Variants in LTBP1 observed in about 807,000 individuals in gnomAD.
LTBP1 encodes latent-transforming growth factor beta-binding protein 1.
Under a neutral mutation model 207.6 loss-of-function variants are expected in LTBP1, and 129 were observed. The observed-to-expected ratio is 0.62, with a 90% CI of 0.54 to 0.72. LTBP1 has a LOEUF of 0.72. Among genes scored for constraint, LTBP1 ranks in the 30% least tolerant of loss-of-function variants. The pLI is 0.00. For synonymous variants in LTBP1, 963 were observed against 833.7 expected, an observed-to-expected ratio of 1.16 and a Z score of -2.67; for missense variants, 2,281 against 2,217.2, an observed-to-expected ratio of 1.03 and a Z score of -0.58.
In LTBP1 at chr2:32,948,866, T is replaced by G. The variant is rs1428886577; in HGVS notation, c.495-9T>G. 6.2e-7 allele frequency: 1 copy of G among 1,613,908 alleles called. No homozygotes were observed. Among genetic ancestry groups the G allele is most frequent in the African/African-American group, 1.3e-5 (1 of 74,902 alleles). ...TGCTGCTGGACTCAGCGATCTTGCT[T>G]TGTTTCAGGGTCAATGTCTGTGGAG... On this transcript the variant is annotated splice_polypyrimidine_tract_variant and intron_variant, in intron 1 of 33. Coordinates refer to ENST00000404816, the MANE Select transcript of LTBP1 (RefSeq NM_206943.4).
Position 33,375,006 on chromosome 2 carries a change from C to G in LTBP1, c.4711+9503C>G, listed in dbSNP as rs376079559. ...TTATTTAGAAAGCTTTCTCTCACCC[C>G]TCCCAAAGAAAGGTTGAAAATACTT... is the stretch of plus-strand genomic sequence containing the variant. On this transcript the variant is annotated intron_variant, in intron 31 of 33. Coordinates refer to ENST00000404816, the MANE Select transcript of LTBP1 (RefSeq NM_206943.4). 2.3e-3 allele frequency among the ~76,000 whole-genome samples: 352 copies of G among 152,274 alleles called. 5 individuals carry two copies. Among genetic ancestry groups the G allele is most frequent in the Middle Eastern group, 0.014 (4 of 292 alleles).
chr2:33,164,968 TG>T (rs1267435600), intron 5 of LTBP1, among the ~76,000 whole-genome samples: 1 of 152,166 alleles, frequency 6.6e-6, no homozygotes, highest in Non-Finnish European at 1.5e-5. Context: ...AGAGTGGTGG[TG>T]GGCCTCAAAA....
intron 5 of LTBP1, among the ~76,000 whole-genome samples, chr2:33,164,640 A>G (rs1461295759): frequency 6.6e-6 from 1 of 152,174 alleles, no homozygotes; most frequent in Non-Finnish European, 1.5e-5. Context: ...TGACCCAAAA[A>G]GCTCTACTGG....
chr2:33,241,881 G>A (rs948388640), intron 9 of LTBP1, among the ~76,000 whole-genome samples: 1 of 152,170 alleles, frequency 6.6e-6, no homozygotes, highest in African/African-American at 2.4e-5. Flanking sequence ...AATATTTTCA[G>A]TTACATGCTG....
At chr2:33,391,402 G>A (rs955654848) in intron 32 of LTBP1, among the ~76,000 whole-genome samples, 1 of 152,168 alleles carries the variant, frequency 6.6e-6, no homozygotes, top group African/African-American at 2.4e-5. Flanking sequence ...AGGGTTTGAT[G>A]CTTCTCTGTA....
intron 5 of LTBP1, among the ~76,000 whole-genome samples, chr2:33,146,630 C>T (rs1004657037): frequency 5.9e-5 from 9 of 152,124 alleles, no homozygotes; most frequent in South Asian, 2.1e-4. Flanking sequence ...CTCACAGTTC[C>T]GCAAGCTGTA....
intron 3 of LTBP1, among the ~76,000 whole-genome samples, chr2:33,058,421 C>T (rs954707928): frequency 1.3e-5 from 2 of 152,202 alleles, no homozygotes; most frequent in Admixed American, 6.5e-5. Context: ...TTTGCCTAAT[C>T]GAAGCCAGGA....
At chr2:33,371,731 A>G (rs1425187500) in intron 31 of LTBP1, among the ~76,000 whole-genome samples, 1 of 152,224 alleles carries the variant, frequency 6.6e-6, no homozygotes, top group African/African-American at 2.4e-5. Flanking sequence ...ATCTACTGAG[A>G]TATTTAACTT....
chr2:33,166,943 T>G (rs1558739360), intron 5 of LTBP1, among the ~76,000 whole-genome samples: 1 of 152,256 alleles, frequency 6.6e-6, no homozygotes, highest in African/African-American at 2.4e-5. Context: ...CTTTCCAAAT[T>G]AACCAACACC....
At chr2:33,386,758 G>A (rs1029852717) in intron 31 of LTBP1, among the ~76,000 whole-genome samples, 22 of 151,946 alleles carry the variant, frequency 1.4e-4, no homozygotes, top group Non-Finnish European at 2.9e-4. Flanking sequence ...CCAGGAGTTT[G>A]AGGCTGCAGT....
intron 11 of LTBP1, among the ~76,000 whole-genome samples, chr2:33,254,851 GGTTTTTTTTTTT>G (rs1242528288): frequency 0.048 from 331 of 6,896 alleles, no homozygotes; most frequent in Non-Finnish European, 0.07. Context: ...TGCGGTGTTT[GGTTTTTTTTTTT>G]TTTTTTTTTT....
At chr2:32,972,687 C>A (rs772563381) in intron 2 of LTBP1, among the ~76,000 whole-genome samples, 1 of 152,102 alleles carries the variant, frequency 6.6e-6, no homozygotes, top group Non-Finnish European at 1.5e-5. Flanking sequence ...GATGGTTTCT[C>A]CCATGCTGTT....
intron 5 of LTBP1, among the ~76,000 whole-genome samples, chr2:33,171,505 T>C (rs1222362524): frequency 1.3e-5 from 2 of 151,276 alleles, no homozygotes; most frequent in Non-Finnish European, 3.0e-5. Context: ...TATGGGACTA[T>C]GTGAAAAGAC....
intron 3 of LTBP1, chr2:33,056,496 T>G (rs568836991): frequency 1.3e-5 from 10 of 772,034 alleles, no homozygotes; most frequent in Middle Eastern, 2.6e-4. Context: ...GATGCGCGTC[T>G]TCTTCTTGTC....
At chr2:33,215,280 T>C (rs1323297105) in intron 7 of LTBP1, among the ~76,000 whole-genome samples, 1 of 152,182 alleles carries the variant, frequency 6.6e-6, no homozygotes, top group East Asian at 1.9e-4. Flanking sequence ...CTCTACGTTA[T>C]GGGTAGGAAA....
intron 7 of LTBP1, among the ~76,000 whole-genome samples, chr2:33,198,842 A>G (rs1440318466): frequency 6.6e-6 from 1 of 152,162 alleles, no homozygotes; most frequent in African/African-American, 2.4e-5. Flanking sequence ...ATCCTTTCAA[A>G]AAACCAGCTC....
intron 11 of LTBP1, among the ~76,000 whole-genome samples, chr2:33,253,227 C>T (rs1171995933): frequency 6.6e-6 from 1 of 152,008 alleles, no homozygotes; most frequent in East Asian, 1.9e-4. Context: ...TGCAAGTTGA[C>T]TCATTTACTC....
chr2:33,318,489 G>A (rs957142310), intron 24 of LTBP1, among the ~76,000 whole-genome samples: 2 of 152,160 alleles, frequency 1.3e-5, no homozygotes, highest in African/African-American at 4.8e-5. Context: ...GTATGTGTAG[G>A]ATACATTAAG....
chr2:33,257,553 T>C, intron 12 of LTBP1, 42 bp downstream of exon 12: 2 of 1,511,452 alleles, frequency 1.3e-6, no homozygotes, highest in Non-Finnish European at 1.8e-6. Flanking sequence ...CATCTATCTG[T>C]GTGTCTTTGC....
Sources: allele counts gnomAD v4.1 joint callset (sites outside exome capture counted in the v4.1 genomes callset), GRCh38; gene constraint gnomAD v4.1.1; transcripts MANE v1.5; gene names NCBI Gene and HGNC (gene_info 2026-07-23, HGNC 2026-07-21).